The following XDH variants were observed in gnomAD, a reference collection of about 807,000 sequenced individuals.
XDH encodes the protein xanthine dehydrogenase/oxidase.
In XDH, 138 loss-of-function variants were observed where a neutral mutation model predicts 156.1. The observed-to-expected ratio is 0.88, with a 90% CI of 0.77 to 1.02. XDH has a LOEUF of 1.02. Among genes scored for constraint, XDH ranks in the 50% least tolerant of loss-of-function variants. XDH has a pLI of 0.00. For missense variants in XDH, 1,849 were observed against 1,684.9 expected (o/e 1.10, Z -1.71); for synonymous variants, 669 against 625.7 (o/e 1.07, Z -1.03).
rs1409554513 is a variant in XDH at position 31,364,176 on chromosome 2, G to C, written c.2613C>G (p.Thr871=). Residue 871 remains threonine (T), a synonymous_variant, in exon 24 of 36, where the codon ACC becomes ACG. Coordinates refer to ENST00000379416, the MANE Select transcript of XDH (RefSeq NM_000379.4). The stretch of plus-strand genomic sequence containing the variant: ...TACTCACACTCTGAGAGAGATCCTG[G>C]GTGTTCCCCACATTGCTGAAGTGGT... The part of the protein sequence containing the change: ...EVDHFSNVGN[T]QDLSQSIMER... 1.2e-6 allele frequency: 2 copies of C among 1,613,872 alleles called. No individual in the cohort carries two copies. Among genetic ancestry groups the C allele is most frequent in the Non-Finnish European group, 1.7e-6 (2 of 1,180,004 alleles).
At chr2:31,359,926 A>G (rs770711737) in intron 24 of XDH, among the ~76,000 whole-genome samples, 6 of 152,158 alleles carry the variant, frequency 3.9e-5, no homozygotes, top group Non-Finnish European at 7.3e-5. Flanking sequence ...GGGATGGGGG[A>G]TGGTGAGGCA....
At chr2:31,396,538 T>C (rs1367672092) in intron 6 of XDH, among the ~76,000 whole-genome samples, 11 of 152,238 alleles carry the variant, frequency 7.2e-5, no homozygotes, top group Admixed American at 7.2e-4. Context: ...TTAATTTTTA[T>C]AAACACAGTA....
At position 31,337,735 on chromosome 2, in the gene XDH, T is replaced by C; in HGVS notation, c.3857A>G (p.His1286Arg). ...GAGTTCCTTCACGTTATTACCTGTGTGCTGAGCTCGAGCTGCACGGATGGC... is the reference window on the plus strand; with the variant it reads ...GAGTTCCTTCACGTTATTACCTGTGCGCTGAGCTCGAGCTGCACGGATGGC... Reference protein sequence around the residue: ...KDAIRAARAQHTGNNVKELFR... With the variant: ...KDAIRAARAQRTGNNVKELFR... The change falls in exon 35 of 36, where the codon CAC (histidine) becomes CGC (arginine). Residue 1286 changes from histidine to arginine, a missense_variant. Physicochemically the swap from His to Arg is conservative, Grantham distance 29 (BLOSUM62 0). Transcript: ENST00000379416. The C allele has an allele frequency of 6.2e-7, 1 of 1,614,256 alleles. No homozygotes were observed. Among genetic ancestry groups the C allele is most frequent in the Non-Finnish European group, 8.5e-7 (1 of 1,180,040 alleles).
intron 6 of XDH, among the ~76,000 whole-genome samples, chr2:31,392,637 C>T (rs1226617204): frequency 6.6e-6 from 1 of 151,956 alleles, no homozygotes; most frequent in Non-Finnish European, 1.5e-5. Flanking sequence ...GTTGGTCAGG[C>T]TGGTCTTGAA....
In XDH at chr2:31,381,743, G is replaced by A. The variant is rs368824921; in HGVS notation, c.1039-17C>T. On this transcript the variant is annotated splice_polypyrimidine_tract_variant and intron_variant, in intron 11 of 35. Transcript: ENST00000379416. Reference sequence around the variant, plus strand: ...TCCAACGGACTAAAACAAGCAGAGAGCATGCAGTGAGAGCCCACCCCAGGA... The same window carrying A: ...TCCAACGGACTAAAACAAGCAGAGAACATGCAGTGAGAGCCCACCCCAGGA... 3.0e-5 allele frequency: 49 copies of A among 1,607,406 alleles called. No individual in the cohort carries two copies. The highest frequency in any genetic ancestry group is 4.2e-5 in the Non-Finnish European group (49 of 1,176,482).
chr2:31,397,779 G>A, intron 5 of XDH, 50 bp from the exon 6 acceptor site: 2 of 1,609,088 alleles, frequency 1.2e-6, no homozygotes, highest in Non-Finnish European at 1.7e-6. Flanking sequence ...CCTGGGATGG[G>A]TGAGGAGTTT....
At chr2:31,407,006 G>T (rs757298836) in intron 1 of XDH, among the ~76,000 whole-genome samples, 2 of 152,154 alleles carry the variant, frequency 1.3e-5, no homozygotes, top group Non-Finnish European at 2.9e-5. Context: ...TACAAAAACC[G>T]ATTTCAGTAC....
At chr2:31,336,419 G>A (rs752207843) in intron 35 of XDH, among the ~76,000 whole-genome samples, 19 of 152,128 alleles carry the variant, frequency 1.2e-4, no homozygotes, top group Admixed American at 2.6e-4. Flanking sequence ...AAATGACTGA[G>A]TTCTGCATCA....
intron 21 of XDH, among the ~76,000 whole-genome samples, chr2:31,366,433 G>A (rs555446674): frequency 1.3e-5 from 2 of 152,332 alleles, no homozygotes; most frequent in East Asian, 3.9e-4. Flanking sequence ...CACATTACAG[G>A]CAGTAGAGAA....
chr2:31,351,014 G>A (rs1685463791), intron 24 of XDH, among the ~76,000 whole-genome samples: 1 of 152,032 alleles, frequency 6.6e-6, no homozygotes, highest in African/African-American at 2.4e-5. Flanking sequence ...TAGATAATGT[G>A]GCTACATTGC....
chr2:31,383,885 G>A (rs1203807323), intron 9 of XDH, 38 bp from the exon 10 acceptor site: 4 of 1,590,516 alleles, frequency 2.5e-6, no homozygotes, highest in Non-Finnish European at 2.6e-6. Flanking sequence ...TAGGCCCATT[G>A]TTGTATCACC....
In XDH at chr2:31,377,108, C is replaced by T; in HGVS notation, c.1372G>A (p.Gly458Arg). ...EVQELALCYGGMANRTISALK... is the reference protein window; with the variant it reads ...EVQELALCYGRMANRTISALK... ...GCTGAGATGGTTCTGTTGGCCATTC[C>T]ACCATAGCAAAGGGCCAGCTCCTGT... The change falls in exon 14 of 36, where the codon GGA (glycine) becomes AGA (arginine). Residue 458 changes from glycine to arginine, a missense_variant. By Grantham distance (125) the Gly-to-Arg change is moderately radical. Coordinates refer to ENST00000379416, the MANE Select transcript of XDH (RefSeq NM_000379.4). The T allele has an allele frequency of 2.5e-6, 4 of 1,614,124 alleles. No homozygotes were observed. The highest frequency in any genetic ancestry group is 2.5e-6 in the Non-Finnish European group (3 of 1,180,016).
intron 24 of XDH, among the ~76,000 whole-genome samples, chr2:31,355,464 G>GA (rs572360464): frequency 1.2e-3 from 180 of 152,008 alleles, no homozygotes; most frequent in Non-Finnish European, 1.6e-3. Context: ...TGAATGTAAA[G>GA]AAAATATTTA....
intron 34 of XDH, among the ~76,000 whole-genome samples, 191 bp downstream of exon 34, chr2:31,339,298 T>A (rs750063713): frequency 6.6e-6 from 1 of 152,022 alleles, no homozygotes; most frequent in African/African-American, 2.4e-5. Context: ...CTCAACCCAA[T>A]TTAACTGGTT....
intron 14 of XDH, among the ~76,000 whole-genome samples, chr2:31,376,816 T>C (rs921873195): frequency 1.3e-5 from 2 of 150,112 alleles, no homozygotes; most frequent in Admixed American, 6.7e-5. Flanking sequence ...GGTAATAGCA[T>C]AGCAGTGGCA....
In XDH at chr2:31,381,699, T is replaced by C; in HGVS notation, c.1066A>G (p.Ser356Gly). 6.2e-7 allele frequency: 1 copy of C among 1,613,944 alleles called. No individual in the cohort carries two copies. Residue 356 changes from serine (S) to glycine (G), a missense_variant, in exon 12 of 36, where the codon AGC becomes GGC. Coordinates refer to ENST00000379416, the MANE Select transcript of XDH (RefSeq NM_000379.4). ...ACGGGGTTGAGGTCGGAGATGGGGCTGGCAGTGATGATGTTCCCTCCAACG... is the reference window on the plus strand; with the variant it reads ...ACGGGGTTGAGGTCGGAGATGGGGCCGGCAGTGATGATGTTCCCTCCAACG... Reference protein sequence around the residue: ...ASVGGNIITASPISDLNPVFM... With the variant: ...ASVGGNIITAGPISDLNPVFM...
At chr2:31,378,025 C>CA (rs1208077120) in intron 13 of XDH, among the ~76,000 whole-genome samples, 9 of 119,150 alleles carry the variant, frequency 7.6e-5, no homozygotes, top group Non-Finnish European at 1.0e-4. Context: ...GAATCTGTCT[C>CA]AAAAAAAAAG....
Position 31,335,698 on chromosome 2 carries a change from G to T in XDH, c.*260C>A. On this transcript the variant is annotated 3_prime_UTR_variant, in exon 36 of 36. Transcript: ENST00000379416. Reference sequence around the variant, plus strand: ...CTTCCCGACCCTATTCCAGATACATGATTAAAACAGACAGAAAATGATCCT... The same window carrying T: ...CTTCCCGACCCTATTCCAGATACATTATTAAAACAGACAGAAAATGATCCT... The T allele has an allele frequency of 6.9e-6, 4 of 583,558 alleles. No individual in the cohort carries two copies. In the South Asian group the frequency reaches 7.9e-5, roughly 11 times the overall value. 36.1% of individuals were successfully genotyped at this position (583,558 alleles called of 1,614,324 possible).
chr2:31,337,627 G>C lies in XDH; in HGVS notation c.3951+14C>G, dbSNP rs201055814. 1,357 of 1,613,726 alleles carry C rather than the reference G, an allele frequency of 8.4e-4. 9 individuals carry two copies. The African/African-American group carries it at 0.015, about 17-fold the overall frequency. ...CCTCCCCTGGACTGAGTGGATGCTT[G>C]AGGGGCATCATACCAGGGTGGTGAA... On this transcript the variant is annotated intron_variant, in intron 35 of 35. Transcript: ENST00000379416.
Sources: gnomAD v4.1 joint callset for allele counts (sites outside exome capture counted in the v4.1 genomes callset) on GRCh38, gnomAD v4.1.1 for gene constraint, MANE v1.5 for transcripts, NCBI Gene and HGNC (gene_info 2026-07-23, HGNC 2026-07-21) for gene names.